Variants in ABCA13 observed in about 807,000 individuals in gnomAD.
ABCA13 encodes the protein ATP-binding cassette sub-family A member 13.
In ABCA13, 476 loss-of-function variants were observed where a neutral mutation model predicts 478.7. That is an observed-to-expected ratio of 0.99 (90% confidence interval 0.92 to 1.07). ABCA13 has a LOEUF of 1.07. Among genes scored for constraint, ABCA13 ranks in the 50% least tolerant of loss-of-function variants. The probability of loss-of-function intolerance (pLI) is 0.00; values close to 1 mark genes in which losing one functional copy is unlikely to be tolerated. For missense variants in ABCA13, 6,060 were observed against 5,910.6 expected (o/e 1.03, Z -0.83); for synonymous variants, 2,252 against 2,158.9 (o/e 1.04, Z -1.20).
chr7:48,494,027 G>A (rs1010060418), intron 48 of ABCA13, among the ~76,000 whole-genome samples: 2 of 152,166 alleles, frequency 1.3e-5, no homozygotes, highest in South Asian at 4.1e-4. Flanking sequence ...GCTACTGGGT[G>A]TCAGGGGAGG....
At chr7:48,290,119 G>T (rs1405750463) in intron 20 of ABCA13, among the ~76,000 whole-genome samples, 1 of 152,194 alleles carries the variant, frequency 6.6e-6, no homozygotes, top group Non-Finnish European at 1.5e-5. Flanking sequence ...AAAGTTTGGG[G>T]CTGTCAACTC....
At chr7:48,588,465 C>T (rs1312512157) in intron 57 of ABCA13, among the ~76,000 whole-genome samples, 1 of 152,150 alleles carries the variant, frequency 6.6e-6, no homozygotes, top group African/African-American at 2.4e-5. Context: ...CACTGCAGAC[C>T]CTGACATGCT....
In ABCA13 at chr7:48,641,586, G is replaced by A. The variant is rs142697244; in HGVS notation, c.14838-1702G>A. Among the ~76,000 whole-genome samples, 426 of 152,330 alleles carry A rather than the reference G, an allele frequency of 2.8e-3. 15 individuals carry two copies. The highest frequency in any genetic ancestry group is 0.024 in the Admixed American group (372 of 15,304). On this transcript the variant is annotated intron_variant, in intron 59 of 61. Coordinates refer to ENST00000435803, the MANE Select transcript of ABCA13 (RefSeq NM_152701.5). ...CTTTCCAGGGTCAAACAACTGGTACGTGGAGGAGCTGGATTCAGTAGTGCA... is the reference window on the plus strand; with the variant it reads ...CTTTCCAGGGTCAAACAACTGGTACATGGAGGAGCTGGATTCAGTAGTGCA...
chr7:48,293,670 A>G (rs887823021), intron 20 of ABCA13, among the ~76,000 whole-genome samples: 19 of 152,318 alleles, frequency 1.2e-4, no homozygotes, highest in Middle Eastern at 3.4e-3. Flanking sequence ...TATTTTAAAT[A>G]TTATGTTACC....
rs1312679406 is a variant in ABCA13 at position 48,275,682 on chromosome 7, G to A, written c.6016G>A (p.Val2006Ile). Reference protein sequence around the residue: ...NIISSNLERTVQLISEDWSLE... With the variant: ...NIISSNLERTIQLISEDWSLE... Reference sequence around the variant, plus strand: ...TATTTCCTCAAATTTGGAAAGGACAGTACAATTGATTTCTGAAGACTGGAG... The same window carrying A: ...TATTTCCTCAAATTTGGAAAGGACAATACAATTGATTTCTGAAGACTGGAG... Residue 2006 changes from valine (V) to isoleucine (I), a missense_variant, in exon 17 of 62, where the codon GTA (valine) becomes ATA (isoleucine). Val to Ile is a conservative substitution (Grantham distance 29). Around this residue, in one of 3 missense-constraint regions of ABCA13, gnomAD observed 4,423 missense variants for 4,309.1 expected, o/e 1.03. Transcript: ENST00000435803. 1 of 1,599,392 alleles carries A rather than the reference G, an allele frequency of 6.3e-7. No homozygotes were observed. The highest frequency in any genetic ancestry group is 1.1e-5 in the South Asian group (1 of 89,334).
chr7:48,215,057 G>C (rs1786234833), intron 3 of ABCA13, among the ~76,000 whole-genome samples: 2 of 152,272 alleles, frequency 1.3e-5, no homozygotes, highest in African/African-American at 4.8e-5. Context: ...GGAGGTTGCA[G>C]TGAGCTGAGA....
chr7:48,285,535 C>T (rs571764667), intron 19 of ABCA13, among the ~76,000 whole-genome samples: 1 of 152,186 alleles, frequency 6.6e-6, no homozygotes, highest in Admixed American at 6.5e-5. Flanking sequence ...GCCTGACAGC[C>T]CAGCACTGCA....
chr7:48,544,797 A>G (rs896453622), intron 55 of ABCA13, among the ~76,000 whole-genome samples: 1 of 151,920 alleles, frequency 6.6e-6, no homozygotes, highest in African/African-American at 2.4e-5. Context: ...AAAGGTCAGA[A>G]GCTCAGGTAA....
Position 48,615,519 on chromosome 7 carries a change from T to C in ABCA13, c.14837+142T>C, listed in dbSNP as rs1460686826. ...ATAGGAGATGAAGGCTCTGAGGGGA[T>C]AAAATACTGTGGCTAGTAAGTCAAA... On this transcript the variant is annotated intron_variant, in intron 59 of 61. Transcript: ENST00000435803. 3 of 643,142 alleles carry C rather than the reference T, an allele frequency of 4.7e-6. No homozygotes were observed. In the African/African-American group the frequency reaches 5.5e-5, roughly 12 times the overall value. 39.8% of individuals were successfully genotyped at this position (643,142 alleles called of 1,614,324 possible). A position where few individuals can be genotyped will look rare whatever the true frequency, so the allele number is the denominator to read the frequency against.
chr7:48,316,211 G>A (rs1167409430), intron 26 of ABCA13, among the ~76,000 whole-genome samples: 1 of 151,982 alleles, frequency 6.6e-6, no homozygotes, highest in East Asian at 1.9e-4. Context: ...AAGTACTTGC[G>A]TGAAAATAAG....
rs75857738 is a variant in ABCA13 at position 48,464,870 on chromosome 7, A to G, written c.12816-2086A>G. ...CAGTTAAACTCCAGTGAAGATGTAT[A>G]CTAAGGCCACCAGGCAGGACAAATG... On this transcript the variant is annotated intron_variant, in intron 43 of 61. Coordinates refer to ENST00000435803, the MANE Select transcript of ABCA13 (RefSeq NM_152701.5). 8.8e-3 allele frequency among the ~76,000 whole-genome samples: 1,336 copies of G among 152,328 alleles called. 19 individuals are homozygous for G. The highest frequency in any genetic ancestry group is 0.031 in the African/African-American group (1,286 of 41,556).
chr7:48,203,180 C>G (rs1054569426), intron 3 of ABCA13, among the ~76,000 whole-genome samples: 4 of 152,172 alleles, frequency 2.6e-5, no homozygotes, highest in Non-Finnish European at 4.4e-5. Context: ...TTGCCTGGGG[C>G]CGGCAGGGCC....
intron 5 of ABCA13, among the ~76,000 whole-genome samples, chr7:48,223,667 TG>T (rs1370013999): frequency 1.3e-5 from 2 of 151,174 alleles, no homozygotes; most frequent in African/African-American, 4.9e-5. Context: ...TAAAAGAGAG[TG>T]GGGGCACTCC....
intron 1 of ABCA13, among the ~76,000 whole-genome samples, chr7:48,192,636 G>A (rs1462436969): frequency 6.6e-6 from 1 of 152,190 alleles, no homozygotes; most frequent in South Asian, 2.1e-4. Flanking sequence ...AATAAAAATA[G>A]TTGCTGTATT....
At chr7:48,239,703 T>C (rs1383973203) in intron 9 of ABCA13, among the ~76,000 whole-genome samples, 1 of 152,220 alleles carries the variant, frequency 6.6e-6, no homozygotes, top group Non-Finnish European at 1.5e-5. Context: ...GTGCATGAGA[T>C]TGCCCTGGAG....
At chr7:48,346,311 C>T (rs1274292598) in intron 29 of ABCA13, among the ~76,000 whole-genome samples, 4 of 152,172 alleles carry the variant, frequency 2.6e-5, no homozygotes, top group Non-Finnish European at 5.9e-5. Context: ...GAAAGTCACA[C>T]TATAGTGAGA....
At chr7:48,481,178 T>C (rs767459464) in intron 46 of ABCA13, 24 bp downstream of exon 46, 43 of 1,504,804 alleles carry the variant, frequency 2.9e-5, no homozygotes, top group Non-Finnish European at 3.4e-5. Flanking sequence ...TCTTGTTGGG[T>C]CTTTACTTGT....
At chr7:48,473,357 G>A (rs576359891) in intron 45 of ABCA13, among the ~76,000 whole-genome samples, 1 of 152,266 alleles carries the variant, frequency 6.6e-6, no homozygotes, top group Admixed American at 6.5e-5. Context: ...AAAGGAATGT[G>A]CTCACTGGGG....
At position 48,396,085 on chromosome 7, in the gene ABCA13, C is replaced by T. The variant is rs534662189; in HGVS notation, c.11873+3946C>T. Among the ~76,000 whole-genome samples, 16 of 152,332 alleles carry T rather than the reference C, an allele frequency of 1.1e-4. 1 individual carries two copies. In the South Asian group the frequency reaches 1.7e-3, roughly 16 times the overall value. ...TGCTAGGCTCCCACCAGGGCACTGC[C>T]GGCCTGTGCTCCTGCCCATGCTGGT... On this transcript the variant is annotated intron_variant, in intron 38 of 61. Transcript: ENST00000435803.
Sources: allele counts gnomAD v4.1 joint callset (sites outside exome capture counted in the v4.1 genomes callset), GRCh38; gene constraint gnomAD v4.1.1; regional missense constraint gnomAD v4.1.1; transcripts MANE v1.5; gene names NCBI Gene and HGNC (gene_info 2026-07-23, HGNC 2026-07-21).